The following SLC35D4 variants were observed in gnomAD, a reference collection of about 807,000 sequenced individuals.
SLC35D4 encodes UDP-N-acetylglucosamine transporter SLC35D4.
the SLC35D4 span, among the ~76,000 whole-genome samples, chr18:23,244,798 G>A: frequency 2.0e-5 from 3 of 152,190 alleles, no homozygotes; most frequent in Non-Finnish European, 2.9e-5. Context: ...AGGTCTTACA[G>A]CTAGCTCCTG....
At chr18:23,342,853 T>A in the SLC35D4 span, among the ~76,000 whole-genome samples, 1,819 of 152,372 alleles carry the variant, frequency 0.012, 15 homozygotes, top group Non-Finnish European at 0.02. Flanking sequence ...TTATTAACCA[T>A]TTAGATATCT....
chr18:23,342,263 T>C, the SLC35D4 span, among the ~76,000 whole-genome samples: 3 of 152,208 alleles, frequency 2.0e-5, no homozygotes, highest in Non-Finnish European at 2.9e-5. Context: ...TGGTATACTT[T>C]CTGTCTCTAT....
the SLC35D4 span, among the ~76,000 whole-genome samples, chr18:23,309,954 GCTAAGTCTTAGT>G: frequency 6.6e-6 from 1 of 152,188 alleles, no homozygotes; most frequent in Non-Finnish European, 1.5e-5. Flanking sequence ...TGTAGAAAAG[GCTAAGTCTTAGT>G]CTGTTTTGGA....
the SLC35D4 span, among the ~76,000 whole-genome samples, chr18:23,376,159 A>C: frequency 6.6e-6 from 1 of 152,242 alleles, no homozygotes; most frequent in Admixed American, 6.5e-5. Flanking sequence ...ATCTCCCACC[A>C]ACACAGATTC....
the SLC35D4 span, among the ~76,000 whole-genome samples, chr18:23,408,629 C>T: frequency 6.6e-6 from 1 of 152,236 alleles, no homozygotes; most frequent in Admixed American, 6.5e-5. Context: ...TCTGAAATGG[C>T]CCTAATGGGG....
the SLC35D4 span, among the ~76,000 whole-genome samples, chr18:23,423,177 C>T: frequency 6.6e-6 from 1 of 152,222 alleles, no homozygotes; most frequent in Non-Finnish European, 1.5e-5. Flanking sequence ...CCATGTCATA[C>T]TTCTAGGAGT....
the SLC35D4 span, among the ~76,000 whole-genome samples, chr18:23,422,769 C>A: frequency 1.2e-4 from 19 of 152,064 alleles, no homozygotes; most frequent in East Asian, 3.7e-3. Flanking sequence ...GACACACAGC[C>A]CCCAGCATGC....
chr18:23,416,453 C>T, the SLC35D4 span, among the ~76,000 whole-genome samples: 116 of 152,340 alleles, frequency 7.6e-4, no homozygotes, highest in African/African-American at 2.7e-3. Context: ...CTCAGTAAAG[C>T]TGGGCTTCAC....
the SLC35D4 span, among the ~76,000 whole-genome samples, chr18:23,285,972 C>T: frequency 1.9e-4 from 29 of 152,140 alleles, no homozygotes; most frequent in Admixed American, 1.3e-3. Flanking sequence ...GTTCATGGCT[C>T]GTTTGGCAGC....
the SLC35D4 span, among the ~76,000 whole-genome samples, chr18:23,359,588 G>A: frequency 2.0e-5 from 3 of 152,170 alleles, no homozygotes; most frequent in South Asian, 2.1e-4. Flanking sequence ...TACCACATTC[G>A]AGACTAACTG....
chr18:23,318,117 T>C, the SLC35D4 span, among the ~76,000 whole-genome samples: 4 of 152,208 alleles, frequency 2.6e-5, no homozygotes, highest in Admixed American at 2.6e-4. Flanking sequence ...TCTTTCTTTT[T>C]AATTCTAGCC....
At chr18:23,314,983 C>A in the SLC35D4 span, among the ~76,000 whole-genome samples, 1 of 152,160 alleles carries the variant, frequency 6.6e-6, no homozygotes, top group East Asian at 1.9e-4. Context: ...CATTTCAATC[C>A]TGAGACAAAT....
chr18:23,362,311 T>C, the SLC35D4 span, among the ~76,000 whole-genome samples: 2 of 152,132 alleles, frequency 1.3e-5, no homozygotes, highest in Non-Finnish European at 2.9e-5. Flanking sequence ...TAGTAAAGTG[T>C]AGGGGGACTG....
At chr18:23,284,380 T>C in the SLC35D4 span, among the ~76,000 whole-genome samples, 17 of 152,204 alleles carry the variant, frequency 1.1e-4, no homozygotes, top group Admixed American at 5.2e-4. Context: ...ATTCCCCTTA[T>C]CTTAATGCAA....
At chr18:23,424,820 C>T in the SLC35D4 span, among the ~76,000 whole-genome samples, 1 of 152,150 alleles carries the variant, frequency 6.6e-6, no homozygotes, top group Non-Finnish European at 1.5e-5. Flanking sequence ...TGCCACTGTA[C>T]TCCAGCCTGG....
the SLC35D4 span, among the ~76,000 whole-genome samples, chr18:23,332,023 G>A: frequency 6.6e-6 from 1 of 150,874 alleles, no homozygotes; most frequent in Non-Finnish European, 1.5e-5. Flanking sequence ...AGAGCTAGGA[G>A]CACAGGCACA....
the SLC35D4 span, among the ~76,000 whole-genome samples, chr18:23,414,599 G>A: frequency 2.2e-4 from 34 of 151,664 alleles, no homozygotes; most frequent in South Asian, 3.1e-3. Flanking sequence ...CTTGAACCCC[G>A]CAGGCAGAGG....
At chr18:23,413,467 G>C in the SLC35D4 span, among the ~76,000 whole-genome samples, 1 of 152,150 alleles carries the variant, frequency 6.6e-6, no homozygotes, top group East Asian at 1.9e-4. Context: ...CGCAGTGTTA[G>C]GGGCTGTTAC....
the SLC35D4 span, among the ~76,000 whole-genome samples, chr18:23,240,694 T>G: frequency 6.6e-6 from 1 of 152,110 alleles, no homozygotes. Context: ...AGCCCCAGAG[T>G]CCTGCTGCCT....
Sources: gnomAD v4.1 joint callset for allele counts (sites outside exome capture counted in the v4.1 genomes callset) on GRCh38, gnomAD v4.1.1 for gene constraint, MANE v1.5 for transcripts, NCBI Gene and HGNC (gene_info 2026-07-23, HGNC 2026-07-21) for gene names.